Variants in CPXM2 observed in about 807,000 individuals in gnomAD.
CPXM2 encodes the protein carboxypeptidase X, M14 family member 2, also known as inactive carboxypeptidase-like protein X2.
Under a neutral mutation model 86.1 loss-of-function variants are expected in CPXM2, and 66 were observed. That is an observed-to-expected ratio of 0.77 (90% CI 0.63 to 0.94). CPXM2 has a LOEUF of 0.94. Ranked by LOEUF, CPXM2 falls within the 40% of genes least tolerant of loss-of-function variation. The probability of loss-of-function intolerance (pLI) is 0.00; values close to 1 mark genes in which losing one functional copy is unlikely to be tolerated. For missense variants in CPXM2, 948 were observed against 1,026.3 expected, an observed-to-expected ratio of 0.92 and a Z score of 1.04; for synonymous variants, 388 against 400.2, an observed-to-expected ratio of 0.97 and a Z score of 0.36.
chr10:123,761,774 G>T, intron 11 of CPXM2, 98 bp downstream of exon 11: 1 of 1,242,550 alleles, frequency 8.0e-7, no homozygotes, highest in South Asian at 1.3e-5. Context: ...CCACCACTTA[G>T]TGACAACAGG....
At chr10:123,834,247 C>A (rs1450595293) in intron 4 of CPXM2, among the ~76,000 whole-genome samples, 1 of 152,160 alleles carries the variant, frequency 6.6e-6, no homozygotes, top group Non-Finnish European at 1.5e-5. Flanking sequence ...ACTAAAGAGC[C>A]CCCGCTATGC....
intron 2 of CPXM2, among the ~76,000 whole-genome samples, chr10:123,930,873 C>T (rs528232947): frequency 1.3e-5 from 2 of 152,220 alleles, no homozygotes; most frequent in South Asian, 2.1e-4. Context: ...ATGAGTAGCC[C>T]GGGAGGTCTC....
At position 123,750,473 on chromosome 10, in the gene CPXM2, C is replaced by A. The variant is rs982924176; in HGVS notation, c.2018-3456G>T. ...TATTCTTTGCTCTTCTAAAGGCCAG[C>A]CTGTGTATGTCCCCTTAGGGAGGGA... On this transcript the variant is annotated intron_variant, in intron 13 of 13. Transcript: ENST00000241305. 9.1e-6 allele frequency: 9 copies of A among 985,192 alleles called. No homozygotes were observed. In the African/African-American group the frequency reaches 1.2e-4, roughly 13 times the overall value. 61.0% of individuals were successfully genotyped at this position (985,192 alleles called of 1,614,324 possible).
chr10:123,790,351 G>GCAACAGAT (rs1847178136), intron 6 of CPXM2, among the ~76,000 whole-genome samples: 3 of 151,490 alleles, frequency 2.0e-5, no homozygotes, highest in Non-Finnish European at 2.9e-5. Flanking sequence ...GGTGACCAGG[G>GCAACAGAT]GTGACTCAGG....
intron 4 of CPXM2, among the ~76,000 whole-genome samples, chr10:123,803,115 A>G (rs1237531910): frequency 1.7e-5 from 1 of 59,512 alleles, no homozygotes; most frequent in African/African-American, 4.8e-5. Flanking sequence ...TCTTTGTAGT[A>G]CCCTTTTTTT....
intron 6 of CPXM2, among the ~76,000 whole-genome samples, chr10:123,787,317 T>C (rs573675840): frequency 6.6e-6 from 1 of 152,156 alleles, no homozygotes; most frequent in South Asian, 2.1e-4. Flanking sequence ...CTCTTGCTGG[T>C]ACCAGCACCC....
upstream of CPXM2, among the ~76,000 whole-genome samples, chr10:123,942,126 T>A (rs1945783167): frequency 3.9e-5 from 6 of 152,232 alleles, no homozygotes; most frequent in Admixed American, 3.9e-4. Flanking sequence ...TCCACAGAAG[T>A]GCAGATGGAT....
chr10:123,764,567 A>C (rs1846424656), intron 10 of CPXM2, among the ~76,000 whole-genome samples: 1 of 151,858 alleles, frequency 6.6e-6, no homozygotes, highest in South Asian at 2.1e-4. Context: ...GCTCACTGCA[A>C]CCTCCACCTC....
chr10:123,882,380 C>T (rs561166552), intron 1 of CPXM2, among the ~76,000 whole-genome samples: 2 of 152,242 alleles, frequency 1.3e-5, no homozygotes, highest in East Asian at 1.9e-4. Flanking sequence ...CTTCTGTGGG[C>T]GGGAACATCC....
chr10:123,939,048 T>C (rs1031259653), intron 2 of CPXM2, among the ~76,000 whole-genome samples: 4 of 152,180 alleles, frequency 2.6e-5, no homozygotes, highest in African/African-American at 9.7e-5. Flanking sequence ...ACACATTATG[T>C]TCCTGGTATC....
At chr10:123,863,609 G>A (rs1848907953) in intron 2 of CPXM2, among the ~76,000 whole-genome samples, 1 of 152,164 alleles carries the variant, frequency 6.6e-6, no homozygotes, top group Non-Finnish European at 1.5e-5. Flanking sequence ...CTGCCTACCA[G>A]AAATGGACCT....
In CPXM2 at chr10:123,798,033, AGGACTGAG is replaced by A; in HGVS notation, c.824_831del (p.Pro275LeufsTer3). ...ATGCAGATGCTCCCATTATCAAACC[AGGACTGAG>A]GGTTTATGCGGATGTAGCGGGCCAC... On this transcript the variant is annotated frameshift_variant, in exon 6 of 14. Coordinates refer to ENST00000241305, the MANE Select transcript of CPXM2 (RefSeq NM_198148.3). LOFTEE classifies it high-confidence loss of function. 6.2e-7 allele frequency: 1 copy of A among 1,611,404 alleles called. No homozygotes were observed. Among genetic ancestry groups the A allele is most frequent in the South Asian group, 1.1e-5 (1 of 90,518 alleles).
At chr10:123,784,062 T>C (rs1373701248) in intron 6 of CPXM2, among the ~76,000 whole-genome samples, 2 of 152,226 alleles carry the variant, frequency 1.3e-5, no homozygotes, top group Non-Finnish European at 2.9e-5. Context: ...GTTGGAGTCC[T>C]CACCCCCAGT....
Position 123,881,264 on chromosome 10 carries a change from T to TCCCCTCCCC in CPXM2, c.305-956_305-955insGGGGAGGGG, listed in dbSNP as rs1945088506. On this transcript the variant is annotated intron_variant, in intron 1 of 13. Coordinates refer to ENST00000241305, the MANE Select transcript of CPXM2 (RefSeq NM_198148.3). ...TTCCCTTCCCTTCCCTTCCCTTCCC[T>TCCCCTCCCC]TTACGCTCAAGCTAATTAGCTCCTA... Among the ~76,000 whole-genome samples the TCCCCTCCCC allele has an allele frequency of 4.5e-4, 41 of 91,356 alleles. 3 individuals carry two copies. Among genetic ancestry groups the TCCCCTCCCC allele is most frequent in the Non-Finnish European group, 5.8e-4 (26 of 44,616 alleles). 59.9% of individuals were successfully genotyped at this position (91,356 alleles called of 152,430 possible).
rs566933026 is a variant in CPXM2, at chr10:123,867,031, C to T, written c.404-4308G>A. Among the ~76,000 whole-genome samples the T allele has an allele frequency of 2.2e-4, 33 of 152,362 alleles. No individual in the cohort carries two copies. The East Asian group carries it at 4.8e-3, about 22-fold the overall frequency. ...CCCAGCCTAACACACGGCGCCATGC[C>T]CCGCAGTAGGCATCCTGCAGGCTCA... On this transcript the variant is annotated intron_variant, in intron 2 of 13. Transcript: ENST00000241305.
At chr10:123,857,552 C>CGGCGTGGAGATGGAAGGT (rs1848753840) in intron 3 of CPXM2, among the ~76,000 whole-genome samples, 3 of 124,494 alleles carry the variant, frequency 2.4e-5, no homozygotes, top group Admixed American at 1.8e-4. Context: ...CGATGGAAGG[C>CGGCGTGGAGATGGAAGGT]GGCGTGGAGA....
chr10:123,859,983 C>A (rs61861897), intron 3 of CPXM2, among the ~76,000 whole-genome samples: 3,514 of 152,320 alleles, frequency 0.023, 70 homozygotes, highest in South Asian at 0.087. Context: ...TCAGCCAGGT[C>A]TCCGTCCATA....
In CPXM2 at chr10:123,799,178, A is replaced by G. The variant is rs1847400320; in HGVS notation, c.675T>C (p.Tyr225=). The G allele has an allele frequency of 6.2e-7, 1 of 1,614,056 alleles. No individual in the cohort carries two copies. Among genetic ancestry groups the G allele is most frequent in the Non-Finnish European group, 8.5e-7 (1 of 1,180,048 alleles). ...GGCTGTCATTGCTCACCATGACCTT[A>G]TAGGATGTCACCCAGTCACTCCTAT... The part of the protein sequence containing the change: ...SLWLSDWVTS[Y]KVMVSNDSHT... The change falls in exon 5 of 14, where the codon TAT becomes TAC. Residue 225 remains tyrosine (Y), a synonymous_variant. Coordinates refer to ENST00000241305, the MANE Select transcript of CPXM2 (RefSeq NM_198148.3).
chr10:123,834,384 G>A (rs1489963183), intron 4 of CPXM2, among the ~76,000 whole-genome samples: 1 of 152,208 alleles, frequency 6.6e-6, no homozygotes, highest in Non-Finnish European at 1.5e-5. Context: ...CTGCTCCCCA[G>A]GAGCAACGTC....
Sources: gnomAD v4.1 joint callset for allele counts (sites outside exome capture counted in the v4.1 genomes callset) on GRCh38, gnomAD v4.1.1 for gene constraint, MANE v1.5 for transcripts, NCBI Gene and HGNC (gene_info 2026-07-23, HGNC 2026-07-21) for gene names.